SLX4IP: variants seen among roughly 807,000 people sequenced by gnomAD.
The protein encoded by SLX4IP is SLX4 interacting protein, also known as protein SLX4IP.
A neutral mutation model predicts 32.9 loss-of-function variants in SLX4IP; 34 were observed. That is an observed-to-expected ratio of 1.03 (90% CI 0.79 to 1.38). The LOEUF is 1.38. Ranked by LOEUF, SLX4IP falls within the 40% of genes most tolerant of loss-of-function variation. The probability of loss-of-function intolerance (pLI) is 0.00; values close to 1 mark genes in which losing one functional copy is unlikely to be tolerated. For missense variants in SLX4IP, 444 were observed against 479.0 expected (o/e 0.93, Z 0.68); for synonymous variants, 172 against 171.7 (o/e 1.00, Z -0.01).
chr20:10,567,560 G>A (rs574123959), intron 4 of SLX4IP, among the ~76,000 whole-genome samples: 14 of 152,250 alleles, frequency 9.2e-5, no homozygotes, highest in African/African-American at 3.1e-4. Context: ...CTGTGAGGAC[G>A]TAAATTTCTA....
intron 5 of SLX4IP, among the ~76,000 whole-genome samples, chr20:10,600,051 T>TGG (rs560083563): frequency 1.2e-3 from 187 of 151,210 alleles, no homozygotes; most frequent in African/African-American, 4.4e-3. Context: ...ATGATTTTTT[T>TGG]AGGGGGGGGA....
chr20:10,444,206 T>TGGGGGTGTCCTC (rs2065182019), intron 1 of SLX4IP, among the ~76,000 whole-genome samples: 1 of 150,942 alleles, frequency 6.6e-6, no homozygotes, highest in Non-Finnish European at 1.5e-5. Context: ...GCTGTAGTTG[T>TGGGGGTGTCCTC]AGGGGTCTGG....
At chr20:10,536,815 A>T (rs1251222133) in intron 2 of SLX4IP, among the ~76,000 whole-genome samples, 3 of 152,234 alleles carry the variant, frequency 2.0e-5, no homozygotes, top group African/African-American at 7.2e-5. Context: ...CCATGGAACC[A>T]TGTGAGGGTC....
intron 1 of SLX4IP, 140 bp from the exon 2 acceptor site, chr20:10,458,036 G>T: frequency 2.1e-6 from 1 of 470,204 alleles, no homozygotes; most frequent in Non-Finnish European, 3.6e-6. Context: ...ATAGTATTTT[G>T]GTTAAGGGCA....
chr20:10,513,385 G>A (rs2065826452), intron 2 of SLX4IP, among the ~76,000 whole-genome samples: 1 of 152,176 alleles, frequency 6.6e-6, no homozygotes, highest in Admixed American at 6.5e-5. Flanking sequence ...AGATTGAACA[G>A]GTGTGAAATA....
intron 1 of SLX4IP, among the ~76,000 whole-genome samples, chr20:10,455,191 A>C (rs2065274647): frequency 6.6e-6 from 1 of 151,810 alleles, no homozygotes; most frequent in Admixed American, 6.6e-5. Context: ...TTATCTTTTT[A>C]CTTTCTTGGT....
At chr20:10,459,150 G>A (rs1378860831) in intron 2 of SLX4IP, among the ~76,000 whole-genome samples, 4 of 152,228 alleles carry the variant, frequency 2.6e-5, no homozygotes, top group South Asian at 4.1e-4. Flanking sequence ...CTGGCTACAC[G>A]AATGTCCTTT....
At chr20:10,482,284 G>A (rs1188941979) in intron 2 of SLX4IP, among the ~76,000 whole-genome samples, 1 of 152,196 alleles carries the variant, frequency 6.6e-6, no homozygotes, top group African/African-American at 2.4e-5. Flanking sequence ...GGTTGGACAT[G>A]TGCCTTTTTG....
intron 6 of SLX4IP, among the ~76,000 whole-genome samples, chr20:10,602,576 G>T (rs147641971): frequency 6.6e-6 from 1 of 151,998 alleles, no homozygotes; most frequent in Non-Finnish European, 1.5e-5. Context: ...ATTTTTGGAC[G>T]TATGACTTGA....
chr20:10,446,164 A>G (rs537506214), intron 1 of SLX4IP, among the ~76,000 whole-genome samples: 167 of 152,012 alleles, frequency 1.1e-3, no homozygotes, highest in Non-Finnish European at 1.8e-3. Flanking sequence ...CTGTAATCCC[A>G]GCACTTTGGG....
chr20:10,545,264 G>T (rs1325146749), intron 2 of SLX4IP, among the ~76,000 whole-genome samples: 2 of 152,188 alleles, frequency 1.3e-5, no homozygotes, highest in Admixed American at 6.5e-5. Context: ...ACTTGACTTT[G>T]TTGGGGCTCT....
chr20:10,438,086 G>GGGCTTTAA (rs2122310439), intron 1 of SLX4IP, among the ~76,000 whole-genome samples: 1 of 152,194 alleles, frequency 6.6e-6, no homozygotes, highest in South Asian at 2.1e-4. Context: ...TTAAATTTCT[G>GGGCTTTAA]GGCTTTAAGG....
At chr20:10,569,806 G>T (rs545992077) in intron 4 of SLX4IP, among the ~76,000 whole-genome samples, 1 of 152,068 alleles carries the variant, frequency 6.6e-6, no homozygotes, top group Non-Finnish European at 1.5e-5. Flanking sequence ...ATAATTTTCC[G>T]CTATAAATGT....
rs773329817 is a variant in SLX4IP at position 10,548,487 on chromosome 20, C to G, written c.28-7744C>G. Among the ~76,000 whole-genome samples the G allele has an allele frequency of 2.0e-5, 3 of 152,320 alleles. No individual in the cohort carries two copies. In the South Asian group the frequency reaches 6.2e-4, roughly 32 times the overall value. ...ATCTCCTGACCTTGTGATCCTCCCG[C>G]CTTGGCCTCACAGAGTGCTGGGATT... is the stretch of plus-strand genomic sequence containing the variant. On this transcript the variant is annotated intron_variant, in intron 2 of 7. Transcript: ENST00000334534.
intron 2 of SLX4IP, among the ~76,000 whole-genome samples, chr20:10,546,796 A>G (rs915887534): frequency 6.6e-6 from 1 of 152,174 alleles, no homozygotes; most frequent in Non-Finnish European, 1.5e-5. Context: ...TGCTGTGTCT[A>G]TGCCACTGAC....
At chr20:10,469,717 T>C (rs553153777) in intron 2 of SLX4IP, among the ~76,000 whole-genome samples, 159 of 152,254 alleles carry the variant, frequency 1.0e-3, no homozygotes, top group African/African-American at 3.7e-3. Flanking sequence ...TGTTCCAATG[T>C]TTTATAAAGT....
intron 2 of SLX4IP, among the ~76,000 whole-genome samples, chr20:10,479,352 CTT>C (rs764474218): frequency 6.8e-5 from 5 of 73,730 alleles, no homozygotes; most frequent in Non-Finnish European, 6.7e-5. Flanking sequence ...TTCCATATTT[CTT>C]TTTTTTTTTT....
intron 6 of SLX4IP, chr20:10,613,915 G>A (rs1248910157): frequency 1.1e-5 from 14 of 1,315,894 alleles, no homozygotes; most frequent in East Asian, 2.3e-5. Context: ...AAGAGTAGCC[G>A]CCAATACGCC....
intron 6 of SLX4IP, among the ~76,000 whole-genome samples, chr20:10,611,733 G>A (rs770563341): frequency 6.6e-6 from 1 of 152,174 alleles, no homozygotes; most frequent in Non-Finnish European, 1.5e-5. Context: ...TTGCTTCCAG[G>A]AACTGAATGA....
Sources: gnomAD v4.1 joint callset for allele counts (sites outside exome capture counted in the v4.1 genomes callset) on GRCh38, gnomAD v4.1.1 for gene constraint, MANE v1.5 for transcripts, NCBI Gene and HGNC (gene_info 2026-07-23, HGNC 2026-07-21) for gene names.